CNTNAP2: variants seen among roughly 807,000 people sequenced by gnomAD.
CNTNAP2 encodes the protein contactin-associated protein-like 2.
A neutral mutation model predicts 155.2 loss-of-function variants in CNTNAP2; 98 were observed. The observed-to-expected ratio is 0.63, with a 90% CI of 0.54 to 0.75. The LOEUF is 0.75. Ranked by LOEUF, CNTNAP2 falls within the 30% of genes least tolerant of loss-of-function variation. CNTNAP2 has a pLI of 0.00. For missense variants in CNTNAP2, 1,727 were observed against 1,688.1 expected (o/e 1.02, Z -0.40); for synonymous variants, 651 against 631.2 (o/e 1.03, Z -0.47).
At chr7:146,611,682 C>G (rs1799140583) in intron 1 of CNTNAP2, among the ~76,000 whole-genome samples, 1 of 152,104 alleles carries the variant, frequency 6.6e-6, no homozygotes, top group African/African-American at 2.4e-5. Context: ...TTCTCTGTCT[C>G]TTCAGTGAGA....
intron 8 of CNTNAP2, among the ~76,000 whole-genome samples, chr7:147,179,051 T>G (rs1003213849): frequency 5.3e-5 from 8 of 152,148 alleles, no homozygotes; most frequent in Admixed American, 3.9e-4. Context: ...GCCTTGTGAT[T>G]GTCATCTAAC....
chr7:147,978,826 G>A lies in CNTNAP2; in HGVS notation c.2383+837G>A, dbSNP rs923231677. Among the ~76,000 whole-genome samples, 8 of 152,066 alleles carry A rather than the reference G, an allele frequency of 5.3e-5. No individual in the cohort carries two copies. The South Asian group carries it at 6.2e-4, about 12-fold the overall frequency. On this transcript the variant is annotated intron_variant, in intron 15 of 23. Coordinates refer to ENST00000361727, the MANE Select transcript of CNTNAP2 (RefSeq NM_014141.6). ...CTAGGCATCCGGAGACCTAGATTCT[G>A]CTCCCCAAATAGCTGACTTGCCAGG...
At chr7:147,542,217 T>A (rs3843534) in intron 11 of CNTNAP2, among the ~76,000 whole-genome samples, 74,038 of 151,440 alleles carry the variant, frequency 0.49, 18,199 homozygotes, top group East Asian at 0.61. Context: ...TACCACACAC[T>A]TCACCATTTA....
At chr7:148,086,835 A>G (rs953735282) in intron 15 of CNTNAP2, among the ~76,000 whole-genome samples, 14 of 152,194 alleles carry the variant, frequency 9.2e-5, no homozygotes, top group South Asian at 4.1e-4. Context: ...AGTCATCATC[A>G]GATTAAGCTG....
chr7:147,738,859 T>C (rs901213648), intron 13 of CNTNAP2, among the ~76,000 whole-genome samples: 1 of 152,098 alleles, frequency 6.6e-6, no homozygotes, highest in Non-Finnish European at 1.5e-5. Context: ...TTCGCCATGA[T>C]GGCCAGGCTG....
intron 4 of CNTNAP2, among the ~76,000 whole-genome samples, chr7:147,059,561 A>T (rs1799624873): frequency 6.6e-6 from 1 of 152,080 alleles, no homozygotes; most frequent in South Asian, 2.1e-4. Flanking sequence ...AATTGAGGAA[A>T]TAGTGGGTGG....
intron 1 of CNTNAP2, among the ~76,000 whole-genome samples, chr7:146,127,669 G>T (rs866032949): frequency 1.4e-4 from 21 of 152,220 alleles, no homozygotes; most frequent in East Asian, 1.9e-4. Flanking sequence ...AAGCCTGACT[G>T]TCCTTTCCAC....
intron 14 of CNTNAP2, among the ~76,000 whole-genome samples, chr7:147,932,152 C>T (rs985643853): frequency 1.6e-4 from 25 of 152,138 alleles, no homozygotes; most frequent in Middle Eastern, 3.4e-3. Flanking sequence ...TTCCAAACTG[C>T]GAAACTTACA....
intron 3 of CNTNAP2, among the ~76,000 whole-genome samples, chr7:146,958,346 C>T (rs1448810099): frequency 6.6e-6 from 1 of 151,110 alleles, no homozygotes; most frequent in African/African-American, 2.4e-5. Flanking sequence ...GAAAATGACG[C>T]ATCTAAAATT....
At chr7:147,455,959 A>G (rs1797910984) in intron 10 of CNTNAP2, among the ~76,000 whole-genome samples, 1 of 152,164 alleles carries the variant, frequency 6.6e-6, no homozygotes, top group South Asian at 2.1e-4. Context: ...AAGGCATCAG[A>G]CAAAATTCAA....
At chr7:148,382,151 A>C (rs533673245) in intron 21 of CNTNAP2, among the ~76,000 whole-genome samples, 1 of 152,388 alleles carries the variant, frequency 6.6e-6, no homozygotes, top group South Asian at 2.1e-4. Context: ...GCCAGGGCTC[A>C]TTCCTGCCAT....
At chr7:147,140,987 A>G (rs6959187) in intron 8 of CNTNAP2, among the ~76,000 whole-genome samples, 62,039 of 151,952 alleles carry the variant, frequency 0.41, 13,414 homozygotes, top group South Asian at 0.62. Flanking sequence ...TATGATGACA[A>G]CTGTGATAAT....
intron 1 of CNTNAP2, among the ~76,000 whole-genome samples, chr7:146,545,041 G>T (rs1238740216): frequency 6.6e-6 from 1 of 151,914 alleles, no homozygotes; most frequent in Non-Finnish European, 1.5e-5. Flanking sequence ...TAAATGGATA[G>T]CTCACCAATT....
At chr7:146,280,144 A>G (rs1171332709) in intron 1 of CNTNAP2, among the ~76,000 whole-genome samples, 1 of 152,130 alleles carries the variant, frequency 6.6e-6, no homozygotes, top group African/African-American at 2.4e-5. Flanking sequence ...TTTTAGTAAA[A>G]GCAGTTGCTT....
At chr7:147,766,496 T>C (rs923960680) in intron 13 of CNTNAP2, among the ~76,000 whole-genome samples, 1 of 152,096 alleles carries the variant, frequency 6.6e-6, no homozygotes, top group Non-Finnish European at 1.5e-5. Context: ...AGTATCATGA[T>C]TTATAGTCCT....
chr7:148,242,133 A>G (rs1796168473), intron 20 of CNTNAP2, among the ~76,000 whole-genome samples: 1 of 152,210 alleles, frequency 6.6e-6, no homozygotes, highest in Non-Finnish European at 1.5e-5. Flanking sequence ...CATGAAAACT[A>G]AAGTCCAATC....
At chr7:147,711,211 G>A (rs1419352061) in intron 13 of CNTNAP2, among the ~76,000 whole-genome samples, 1 of 152,160 alleles carries the variant, frequency 6.6e-6, no homozygotes, top group Non-Finnish European at 1.5e-5. Context: ...AGGATTCTGA[G>A]TGGAATTTAG....
chr7:148,193,923 G>T (rs1795236007), intron 18 of CNTNAP2, among the ~76,000 whole-genome samples: 1 of 149,820 alleles, frequency 6.7e-6, no homozygotes, highest in Non-Finnish European at 1.5e-5. Flanking sequence ...GTTTCCTTCT[G>T]CTTGTTCAAG....
intron 3 of CNTNAP2, among the ~76,000 whole-genome samples, chr7:146,913,074 A>G (rs1314999203): frequency 1.3e-5 from 2 of 152,174 alleles, no homozygotes; most frequent in Admixed American, 6.6e-5. Context: ...AGTAATGTCT[A>G]TAGATTCTGG....
Sources: allele counts gnomAD v4.1 joint callset (sites outside exome capture counted in the v4.1 genomes callset), GRCh38; gene constraint gnomAD v4.1.1; transcripts MANE v1.5; gene names NCBI Gene and HGNC (gene_info 2026-07-23, HGNC 2026-07-21).